The following TNNI3K variants were observed in gnomAD, a reference collection of about 807,000 sequenced individuals.
TNNI3K encodes the protein TNNI3 interacting kinase, also known as serine/threonine-protein kinase TNNI3K.
Under a neutral mutation model 114.5 loss-of-function variants are expected in TNNI3K, and 140 were observed. That is an observed-to-expected ratio of 1.22 (90% confidence interval 1.07 to 1.41). The LOEUF is 1.41. Among genes scored for constraint, TNNI3K ranks in the 40% most tolerant of loss-of-function variants. The pLI, the probability that TNNI3K is intolerant of heterozygous loss-of-function variation, is 0.00. For synonymous variants in TNNI3K, 347 were observed against 347.5 expected, an observed-to-expected ratio of 1.00 and a Z score of 0.02; for missense variants, 1,125 against 1,007.6, an observed-to-expected ratio of 1.12 and a Z score of -1.58.
At chr1:74,292,280 A>G (rs1657728262) in intron 5 of TNNI3K, among the ~76,000 whole-genome samples, 1 of 151,132 alleles carries the variant, frequency 6.6e-6, no homozygotes. Flanking sequence ...TAATTTCACT[A>G]CTGTTTTTCT....
intron 11 of TNNI3K, among the ~76,000 whole-genome samples, chr1:74,354,592 A>G (rs913465443): frequency 1.3e-5 from 2 of 152,224 alleles, no homozygotes; most frequent in East Asian, 3.8e-4. Flanking sequence ...TTATTTGAAT[A>G]TAAACTTATT....
intron 22 of TNNI3K, among the ~76,000 whole-genome samples, chr1:74,489,957 G>A (rs540431277): frequency 8.6e-5 from 13 of 150,730 alleles, no homozygotes; most frequent in African/African-American, 2.9e-4. Flanking sequence ...CATATGCAGG[G>A]AAGGGGCAAC....
rs274591 is a variant in TNNI3K at position 74,448,906 on chromosome 1, A to T, written c.2011+9284A>T. Among the ~76,000 whole-genome samples the T allele has an allele frequency of 6.5e-3, 423 of 65,106 alleles. 4 individuals are homozygous for T. The highest frequency in any genetic ancestry group is 0.024 in the African/African-American group (392 of 16,494). The allele number at this position is 65,106 out of a possible 152,430, so 42.7% of individuals were successfully genotyped here. A position where few individuals can be genotyped will look rare whatever the true frequency, so the allele number is the denominator to read the frequency against. ...ATTTTTGCATCAATGTTCATCAAGG[A>T]TATTGGTCTAAAATTCTCTTTTTTG... On this transcript the variant is annotated intron_variant, in intron 20 of 24. Transcript: ENST00000326637.
intron 5 of TNNI3K, among the ~76,000 whole-genome samples, chr1:74,308,051 A>AT (rs1658759787): frequency 6.6e-6 from 1 of 151,744 alleles, no homozygotes. Context: ...ATATATATAT[A>AT]ATAGTAATAA....
chr1:74,463,611 A>G (rs1667543336), intron 21 of TNNI3K, 61 bp downstream of exon 21: 1 of 1,573,252 alleles, frequency 6.4e-7, no homozygotes, highest in Non-Finnish European at 8.7e-7. Context: ...CACAAATAGT[A>G]TAACTCCAAA....
At chr1:74,243,535 G>A (rs1230668840) in intron 2 of TNNI3K, among the ~76,000 whole-genome samples, 1 of 152,122 alleles carries the variant, frequency 6.6e-6, no homozygotes, top group Non-Finnish European at 1.5e-5. Flanking sequence ...ACCTTGGAGA[G>A]CAGTGTGTTA....
chr1:74,250,243 C>T (rs140049528), intron 3 of TNNI3K, among the ~76,000 whole-genome samples: 44 of 152,346 alleles, frequency 2.9e-4, no homozygotes, highest in Middle Eastern at 6.8e-3. Context: ...GTTCTCTCAA[C>T]TTCAAACGTG....
chr1:74,517,008 T>G (rs182197737), intron 23 of TNNI3K, among the ~76,000 whole-genome samples: 1 of 152,294 alleles, frequency 6.6e-6, no homozygotes, highest in Non-Finnish European at 1.5e-5. Context: ...AAAACACTGA[T>G]AGCAATTCAA....
At chr1:74,539,860 A>T (rs967243516) in intron 23 of TNNI3K, among the ~76,000 whole-genome samples, 1 of 151,998 alleles carries the variant, frequency 6.6e-6, no homozygotes, top group Non-Finnish European at 1.5e-5. Flanking sequence ...GATGTGTTTT[A>T]TTTATATTAT....
At chr1:74,401,954 AAAGGTATT>A (rs770911253) in intron 17 of TNNI3K, 5 of 422,212 alleles carry the variant, frequency 1.2e-5, no homozygotes, top group South Asian at 8.9e-5. Context: ...TGCCATCCTA[AAAGGTATT>A]GATGGAAATG....
intron 5 of TNNI3K, among the ~76,000 whole-genome samples, chr1:74,290,796 C>T (rs1041191629): frequency 2.6e-5 from 4 of 151,626 alleles, no homozygotes; most frequent in Non-Finnish European, 4.4e-5. Flanking sequence ...GGCTACACAC[C>T]TCTCCCCACT....
chr1:74,436,224 C>A, intron 18 of TNNI3K, 92 bp downstream of exon 18: 2 of 1,500,168 alleles, frequency 1.3e-6, no homozygotes, highest in Non-Finnish European at 1.8e-6. Context: ...GAACACTGAA[C>A]ACTGACAGCT....
chr1:74,251,440 TATC>T (rs1485706729), intron 4 of TNNI3K, among the ~76,000 whole-genome samples: 11 of 152,182 alleles, frequency 7.2e-5, no homozygotes, highest in African/African-American at 2.2e-4. Flanking sequence ...ATGAGCTAAA[TATC>T]ATACTAAGTT....
At chr1:74,290,465 G>A (rs937950568) in intron 5 of TNNI3K, among the ~76,000 whole-genome samples, 9 of 151,480 alleles carry the variant, frequency 5.9e-5, no homozygotes, top group Non-Finnish European at 1.0e-4. Context: ...TTTATTTTAC[G>A]AAAATAATAA....
intron 17 of TNNI3K, among the ~76,000 whole-genome samples, chr1:74,404,098 A>G (rs1644461623): frequency 6.6e-6 from 1 of 152,144 alleles, no homozygotes; most frequent in African/African-American, 2.4e-5. Flanking sequence ...TATAGATTGT[A>G]AGAAGAAAAT....
chr1:74,364,279 T>A (rs1388503403), intron 11 of TNNI3K, among the ~76,000 whole-genome samples: 1 of 151,864 alleles, frequency 6.6e-6, no homozygotes, highest in Non-Finnish European at 1.5e-5. Flanking sequence ...CACTGGGGTA[T>A]GAGTCAAGAC....
At chr1:74,404,754 C>A (rs1224097687) in intron 17 of TNNI3K, among the ~76,000 whole-genome samples, 1 of 152,144 alleles carries the variant, frequency 6.6e-6, no homozygotes, top group African/African-American at 2.4e-5. Context: ...CTTTATGAAT[C>A]TCCTATAATT....
chr1:74,372,155 AT>A (rs1390679203), intron 17 of TNNI3K: 2 of 151,600 alleles, frequency 1.3e-5, no homozygotes, highest in Non-Finnish European at 2.9e-5. Flanking sequence ...CATAAATAAT[AT>A]AAACTATTGA....
At chr1:74,462,585 A>C (rs45495399) in intron 20 of TNNI3K, among the ~76,000 whole-genome samples, 2,572 of 152,328 alleles carry the variant, frequency 0.017, 39 homozygotes, top group African/African-American at 0.034. Flanking sequence ...AACAACAACA[A>C]CAACACCTAC....
Sources: allele counts gnomAD v4.1 joint callset (sites outside exome capture counted in the v4.1 genomes callset), GRCh38; gene constraint gnomAD v4.1.1; transcripts MANE v1.5; gene names NCBI Gene and HGNC (gene_info 2026-07-23, HGNC 2026-07-21).